Variants in ARID2 observed in about 807,000 individuals in gnomAD.
The protein encoded by ARID2 is AT-rich interaction domain 2.
Under a neutral mutation model 184.6 loss-of-function variants are expected in ARID2, and 32 were observed. The observed-to-expected ratio is 0.17, with a 90% confidence interval of 0.13 to 0.23. The LOEUF is 0.23. ARID2 is among the 10% of genes least tolerant of loss of function. The pLI is 1.00. For synonymous variants in ARID2, 836 were observed against 772.6 expected, an observed-to-expected ratio of 1.08 and a Z score of -1.36; for missense variants, 1,696 against 2,197.6, an observed-to-expected ratio of 0.77 and a Z score of 4.56.
chr12:45,737,752 G>A (rs1470254258), intron 3 of ARID2, among the ~76,000 whole-genome samples: 2 of 152,106 alleles, frequency 1.3e-5, no homozygotes, highest in Non-Finnish European at 2.9e-5. Flanking sequence ...AACCAATTTA[G>A]TTGCTGAGAT....
chr12:45,906,236 T>G lies in ARID2; in HGVS notation c.*1158T>G, dbSNP rs1471526280. 4.3e-6 allele frequency: 1 copy of G among 232,892 alleles called. No individual in the cohort carries two copies. Among genetic ancestry groups the G allele is most frequent in the African/African-American group, 2.2e-5 (1 of 45,324 alleles). The allele number at this position is 232,892 out of a possible 1,614,324, so 14.4% of individuals were successfully genotyped here. A position where few individuals can be genotyped will look rare whatever the true frequency, so the allele number is the denominator to read the frequency against. ...ATGATATTTTCTTCACTACTTTTTC[T>G]ATCTTAATATAGTGTGGAATTTTAT... On this transcript the variant is annotated 3_prime_UTR_variant, in exon 21 of 21. Transcript: ENST00000334344.
chr12:45,845,076 T>C (rs1383708931), intron 11 of ARID2, among the ~76,000 whole-genome samples: 1 of 152,188 alleles, frequency 6.6e-6, no homozygotes, highest in Non-Finnish European at 1.5e-5. Context: ...CTACTTTTTA[T>C]AGTAATTATG....
rs570444196 is a variant in ARID2 at position 45,738,082 on chromosome 12, G to GT, written c.284+6777dup. 3.8e-3 allele frequency among the ~76,000 whole-genome samples: 573 copies of GT among 150,896 alleles called. 3 individuals are homozygous for GT. Among genetic ancestry groups the GT allele is most frequent in the African/African-American group, 0.012 (507 of 41,120 alleles). ...AGAACTTTCTTTACATATATGTATGGTTTTTTTTTCTCATAGAACTTTACT... is the reference window on the plus strand; with the variant it reads ...AGAACTTTCTTTACATATATGTATGGTTTTTTTTTTCTCATAGAACTTTACT... On this transcript the variant is annotated intron_variant, in intron 3 of 20. Coordinates refer to ENST00000334344, the MANE Select transcript of ARID2 (RefSeq NM_152641.4).
chr12:45,886,054 G>A (rs1944182238), intron 16 of ARID2, among the ~76,000 whole-genome samples: 1 of 152,122 alleles, frequency 6.6e-6, no homozygotes. Context: ...TAACCAAAAA[G>A]TCCAAGTCCA....
chr12:45,881,986 G>C (rs941582947), intron 16 of ARID2: 3 of 196,870 alleles, frequency 1.5e-5, no homozygotes, highest in African/African-American at 7.1e-5. Flanking sequence ...CCTGCTTCCT[G>C]GGGCTGGGTG....
At chr12:45,902,624 T>C (rs947896077) in intron 20 of ARID2, among the ~76,000 whole-genome samples, 5 of 151,672 alleles carry the variant, frequency 3.3e-5, no homozygotes, top group African/African-American at 7.3e-5. Flanking sequence ...CTCTGCCTCC[T>C]GGGTTCAAGC....
At chr12:45,867,758 A>G (rs1943853896) in intron 16 of ARID2, among the ~76,000 whole-genome samples, 1 of 150,384 alleles carries the variant, frequency 6.6e-6, no homozygotes, top group Admixed American at 6.6e-5. Context: ...AAAAAAAAAG[A>G]AAAAAAAACT....
At chr12:45,890,912 A>G (rs1944291478) in intron 16 of ARID2, among the ~76,000 whole-genome samples, 1 of 152,282 alleles carries the variant, frequency 6.6e-6, no homozygotes, top group South Asian at 2.1e-4. Flanking sequence ...CATACCTGTA[A>G]TCCCAGCACT....
At chr12:45,786,783 A>C (rs1565595568) in intron 3 of ARID2, among the ~76,000 whole-genome samples, 1 of 152,238 alleles carries the variant, frequency 6.6e-6, no homozygotes, top group African/African-American at 2.4e-5. Context: ...AATGTGATAT[A>C]TATGCACAGT....
At chr12:45,886,276 T>A (rs1469042331) in intron 16 of ARID2, among the ~76,000 whole-genome samples, 1 of 152,166 alleles carries the variant, frequency 6.6e-6, no homozygotes, top group African/African-American at 2.4e-5. Context: ...TCCAAAATGA[T>A]CTCCTTTGAC....
chr12:45,806,766 T>C (rs1942610838), intron 3 of ARID2, among the ~76,000 whole-genome samples: 1 of 152,168 alleles, frequency 6.6e-6, no homozygotes, highest in Admixed American at 6.6e-5. Flanking sequence ...CTTGAAGTTA[T>C]CACATCAGTG....
At chr12:45,886,204 AAAGAGG>A (rs1944186659) in intron 16 of ARID2, among the ~76,000 whole-genome samples, 1 of 152,004 alleles carries the variant, frequency 6.6e-6, no homozygotes, top group African/African-American at 2.4e-5. Context: ...TGGCCAAAAC[AAAGAGG>A]CTACAGGCAC....
intron 16 of ARID2, among the ~76,000 whole-genome samples, chr12:45,877,304 T>C (rs1197706348): frequency 6.6e-6 from 1 of 151,968 alleles, no homozygotes; most frequent in Non-Finnish European, 1.5e-5. Context: ...CTCTGCCCCC[T>C]GTTAGATCAG....
intron 16 of ARID2, among the ~76,000 whole-genome samples, chr12:45,885,367 A>T (rs930620760): frequency 1.3e-5 from 2 of 151,776 alleles, no homozygotes; most frequent in East Asian, 1.9e-4. Context: ...ATATACATTT[A>T]TGTGCATTTA....
intron 3 of ARID2, among the ~76,000 whole-genome samples, chr12:45,797,133 TATAC>T (rs573561991): frequency 2.0e-4 from 31 of 152,346 alleles, no homozygotes; most frequent in Non-Finnish European, 3.7e-4. Context: ...AGTAATTTAA[TATAC>T]ATACATACAC....
intron 16 of ARID2, among the ~76,000 whole-genome samples, chr12:45,878,763 G>C (rs976745194): frequency 6.6e-6 from 1 of 152,094 alleles, no homozygotes; most frequent in Non-Finnish European, 1.5e-5. Flanking sequence ...CCGTGTGTGT[G>C]GTGGTGGGCG....
chr12:45,779,074 T>A (rs1225051804), intron 3 of ARID2, among the ~76,000 whole-genome samples: 2 of 152,120 alleles, frequency 1.3e-5, no homozygotes, highest in Non-Finnish European at 1.5e-5. Flanking sequence ...TTAACTTCTT[T>A]TTATTGTCAT....
At chr12:45,862,939 T>C (rs954050288) in intron 16 of ARID2, among the ~76,000 whole-genome samples, 19 of 152,178 alleles carry the variant, frequency 1.2e-4, no homozygotes, top group African/African-American at 4.6e-4. Flanking sequence ...CTAATAAGTT[T>C]AGTTTTAGTC....
rs915877059 is a variant in ARID2, at chr12:45,906,094, C to T, written c.*1016C>T. 2 of 231,908 alleles carry T rather than the reference C, an allele frequency of 8.6e-6. No individual in the cohort carries two copies. The highest frequency in any genetic ancestry group is 2.2e-5 in the African/African-American group (1 of 45,126). The allele number at this position is 231,908 out of a possible 1,614,324, so 14.4% of individuals were successfully genotyped here. A position where few individuals can be genotyped will look rare whatever the true frequency, so the allele number is the denominator to read the frequency against. On this transcript the variant is annotated 3_prime_UTR_variant, in exon 21 of 21. Coordinates refer to ENST00000334344, the MANE Select transcript of ARID2 (RefSeq NM_152641.4). The stretch of plus-strand genomic sequence containing the variant: ...TTCCTTAACATGTATCCACTGTAAA[C>T]GTTTGTCGTGTACAAGCTCAGAGCT...
Sources: allele counts gnomAD v4.1 joint callset (sites outside exome capture counted in the v4.1 genomes callset), GRCh38; gene constraint gnomAD v4.1.1; transcripts MANE v1.5; gene names NCBI Gene and HGNC (gene_info 2026-07-23, HGNC 2026-07-21).